Variants in OS9 observed in about 807,000 individuals in gnomAD.
OS9 encodes the protein OS9 endoplasmic reticulum lectin.
In OS9, 58 loss-of-function variants were observed where a neutral mutation model predicts 84.7. The ratio of observed to expected loss-of-function variants is 0.68; its 90% confidence interval spans 0.55 to 0.85. The LOEUF (loss-of-function observed/expected upper bound fraction) is 0.85. Ranked by LOEUF, OS9 falls within the 40% of genes least tolerant of loss-of-function variation. OS9 has a pLI of 0.00. For synonymous variants in OS9, 278 were observed against 320.8 expected (o/e 0.87, Z 1.43); for missense variants, 760 against 850.9 (o/e 0.89, Z 1.33).
chr12:57,720,314 C>T (rs547203951), intron 13 of OS9, 51 bp downstream of exon 13: 5 of 1,610,690 alleles, frequency 3.1e-6, no homozygotes, highest in African/African-American at 2.7e-5. Context: ...GGCAAGCTGC[C>T]GGAAGTGGAG....
In OS9 at chr12:57,695,768, TTTAA is replaced by T. The variant is rs759993954; in HGVS notation, c.340-9_340-6del. 68 of 1,592,756 alleles carry T rather than the reference TTTAA, an allele frequency of 4.3e-5. No individual in the cohort carries two copies. The highest frequency in any genetic ancestry group is 5.3e-5 in the Non-Finnish European group (61 of 1,160,672). On this transcript the variant is annotated splice_polypyrimidine_tract_variant and splice_region_variant and intron_variant, in intron 2 of 14. Transcript: ENST00000315970. The stretch of plus-strand genomic sequence containing the variant: ...ACTCCATCCCCCTGATTGTTTATTT[TTTAA>T]TTGTCAGACAAAGGACTGGTGGACA...
Position 57,721,060 on chromosome 12 carries a change from G to T in OS9, c.*151G>T. 1 of 836,618 alleles carries T rather than the reference G, an allele frequency of 1.2e-6. No individual in the cohort carries two copies. The highest frequency in any genetic ancestry group is 2.5e-5 in the Admixed American group (1 of 39,718). The allele number at this position is 836,618 out of a possible 1,614,324, so 51.8% of individuals were successfully genotyped here. ...CTCGGGCAACTCTGTGGGTGTGGGG[G>T]CCCTGGGTGAATGCTGCTGCCCCTG... On this transcript the variant is annotated 3_prime_UTR_variant, in exon 15 of 15. Coordinates refer to ENST00000315970, the MANE Select transcript of OS9 (RefSeq NM_006812.4).
intron 5 of OS9, among the ~76,000 whole-genome samples, chr12:57,708,073 C>T (rs1204153354): frequency 2.6e-5 from 4 of 151,838 alleles, no homozygotes; most frequent in African/African-American, 9.7e-5. Flanking sequence ...AGCTTGGTGA[C>T]AGAGCAAGAC....
intron 5 of OS9, among the ~76,000 whole-genome samples, chr12:57,713,205 G>C (rs1954381177): frequency 6.6e-6 from 1 of 152,134 alleles, no homozygotes. Flanking sequence ...TTTTTGAAGT[G>C]CCTATAGGCT....
intron 5 of OS9, among the ~76,000 whole-genome samples, chr12:57,696,665 G>T (rs186292374): frequency 1.3e-5 from 2 of 152,006 alleles, no homozygotes; most frequent in South Asian, 4.1e-4. Context: ...GCGTGGTAGC[G>T]GGTGCCTATA....
intron 5 of OS9, among the ~76,000 whole-genome samples, chr12:57,709,767 G>T (rs1416933629): frequency 1.3e-5 from 2 of 151,294 alleles, no homozygotes; most frequent in Non-Finnish European, 2.9e-5. Context: ...TAATTTATAG[G>T]TTTTCTAATG....
intron 5 of OS9, among the ~76,000 whole-genome samples, chr12:57,714,106 G>GAAAAA (rs759134803): frequency 7.3e-6 from 1 of 137,494 alleles, no homozygotes; most frequent in Admixed American, 7.3e-5. Flanking sequence ...GACCCTGTCT[G>GAAAAA]AAAAAAAAAA....
intron 5 of OS9, among the ~76,000 whole-genome samples, chr12:57,697,930 C>CAT: frequency 1.1e-5 from 1 of 92,810 alleles, no homozygotes; most frequent in African/African-American, 3.8e-5. Flanking sequence ...CACATACACA[C>CAT]ACACACACAC....
At chr12:57,715,085 C>T (rs1399347368) in intron 5 of OS9, among the ~76,000 whole-genome samples, 1 of 151,910 alleles carries the variant, frequency 6.6e-6, no homozygotes, top group East Asian at 1.9e-4. Context: ...AAATACAGGC[C>T]AGGCCTTGTG....
Position 57,695,945 on chromosome 12 carries a change from T to A in OS9, c.404-17T>A. On this transcript the variant is annotated splice_polypyrimidine_tract_variant and intron_variant, in intron 3 of 14. Coordinates refer to ENST00000315970, the MANE Select transcript of OS9 (RefSeq NM_006812.4). ...CCTCTTAAGAGTAACAGTGCTTCAC[T>A]GTGGCTTCCCTTGCAGATTCAGAGA... The A allele has an allele frequency of 1.2e-6, 2 of 1,607,612 alleles. No homozygotes were observed. The highest frequency in any genetic ancestry group is 1.7e-6 in the Non-Finnish European group (2 of 1,174,060).
intron 5 of OS9, among the ~76,000 whole-genome samples, chr12:57,706,145 G>A (rs1954159550): frequency 6.6e-6 from 1 of 152,134 alleles, no homozygotes; most frequent in Non-Finnish European, 1.5e-5. Flanking sequence ...CAGGCTTTTT[G>A]CAGATACCTT....
Position 57,721,265 on chromosome 12 carries a change from G to A in OS9, c.*356G>A. ...GAGTGGAGGTGGGTAGAGAGAGCAAGGAGGGCAGGACACTTAGCAGGCACT... is the reference window on the plus strand; with the variant it reads ...GAGTGGAGGTGGGTAGAGAGAGCAAAGAGGGCAGGACACTTAGCAGGCACT... On this transcript the variant is annotated 3_prime_UTR_variant, in exon 15 of 15. Transcript: ENST00000315970. The A allele has an allele frequency of 4.0e-6, 1 of 250,812 alleles. No individual in the cohort carries two copies. The highest frequency in any genetic ancestry group is 7.9e-6 in the Non-Finnish European group (1 of 126,852). The allele number at this position is 250,812 out of a possible 1,614,324, so 15.5% of individuals were successfully genotyped here.
At chr12:57,718,604 C>T (rs1310711059) in intron 11 of OS9, among the ~76,000 whole-genome samples, 183 bp downstream of exon 11, 1 of 152,152 alleles carries the variant, frequency 6.6e-6, no homozygotes, top group African/African-American at 2.4e-5. Context: ...AGGGACAAGA[C>T]TTAAATATCA....
intron 5 of OS9, among the ~76,000 whole-genome samples, chr12:57,704,284 C>T (rs563244766): frequency 1.2e-4 from 18 of 152,262 alleles, no homozygotes; most frequent in African/African-American, 4.3e-4. Flanking sequence ...CACCTGTAAT[C>T]CCAGCACTTT....
At position 57,720,136 on chromosome 12, in the gene OS9, C is replaced by G. The variant is rs139877755; in HGVS notation, c.1638C>G (p.Thr546=). 6 of 1,614,042 alleles carry G rather than the reference C, an allele frequency of 3.7e-6. No individual in the cohort carries two copies. In the African/African-American group the frequency reaches 6.7e-5, roughly 18 times the overall value. ...AGCACAGAGTCCGGGTCCGGGTCACCAAGCTCCGTCTCGGAGGCCCTAATC... is the reference window on the plus strand; with the variant it reads ...AGCACAGAGTCCGGGTCCGGGTCACGAAGCTCCGTCTCGGAGGCCCTAATC... The part of the protein sequence containing the change: ...DPEHRVRVRV[T]KLRLGGPNQD... The change falls in exon 13 of 15, where the codon ACC becomes ACG. Residue 546 remains threonine, a synonymous_variant. Coordinates refer to ENST00000315970, the MANE Select transcript of OS9 (RefSeq NM_006812.4).
chr12:57,708,346 C>CTTGGGCCAGGTGTGGTGGCTCATGCCTG, intron 5 of OS9, among the ~76,000 whole-genome samples: 1 of 150,866 alleles, frequency 6.6e-6, no homozygotes, highest in East Asian at 2.0e-4. Context: ...TAAAACCTTA[C>CTTGGGCCAGGTGTGGTGGCTCATGCCTG]TTGGGCCAGG....
chr12:57,716,604 TGCAAGGATATCCCCA>T, intron 8 of OS9, 74 bp from the exon 9 acceptor site: 1 of 1,508,232 alleles, frequency 6.6e-7, no homozygotes, highest in Admixed American at 1.7e-5. Flanking sequence ...TACCTAGGGA[TGCAAGGATATCCCCA>T]GAACCTTTGC....
chr12:57,696,159 A>C (rs1953825377), intron 4 of OS9, 116 bp from the exon 5 acceptor site: 3 of 1,220,350 alleles, frequency 2.5e-6, no homozygotes, highest in South Asian at 2.5e-5. Flanking sequence ...ATTAGGACAA[A>C]GTTTCCTGGG....
rs748028432 is a variant in OS9 at position 57,716,505 on chromosome 12, C to T, written c.986C>T (p.Pro329Leu). 48 of 1,571,434 alleles carry T rather than the reference C, an allele frequency of 3.1e-5. No individual in the cohort carries two copies. The highest frequency in any genetic ancestry group is 7.6e-5 in the Admixed American group (4 of 52,868). The change falls in exon 8 of 15, where the codon CCG becomes CTG. Residue 329 changes from proline to leucine, a missense_variant. Transcript: ENST00000315970. ...EDQAPGGEEVPAEEQDPSPEA... is the reference protein window; with the variant it reads ...EDQAPGGEEVLAEEQDPSPEA... ...CAGGCCCCAGGAGGGGAGGAGGTGCCGGCTGAGGTGAGACCAGCTGCCTCA... is the reference window on the plus strand; with the variant it reads ...CAGGCCCCAGGAGGGGAGGAGGTGCTGGCTGAGGTGAGACCAGCTGCCTCA...
Sources: allele counts gnomAD v4.1 joint callset (sites outside exome capture counted in the v4.1 genomes callset), GRCh38; gene constraint gnomAD v4.1.1; transcripts MANE v1.5; gene names NCBI Gene and HGNC (gene_info 2026-07-23, HGNC 2026-07-21).